WRN: variants seen among roughly 807,000 people sequenced by gnomAD.
The protein encoded by WRN is WRN RecQ like helicase.
WRN carries 149 observed loss-of-function variants against 180.7 expected under a neutral mutation model. The observed-to-expected ratio is 0.82, with a 90% CI of 0.72 to 0.94. WRN has a LOEUF of 0.94. Among genes scored for constraint, WRN ranks in the 40% least tolerant of loss-of-function variants. The pLI, the probability that WRN is intolerant of heterozygous loss-of-function variation, is 0.00. For missense variants in WRN, 1,661 were observed against 1,700.1 expected (o/e 0.98, Z 0.40); for synonymous variants, 548 against 568.9 (o/e 0.96, Z 0.52).
chr8:31,098,291 T>C (rs969520957), intron 17 of WRN, among the ~76,000 whole-genome samples: 1 of 152,216 alleles, frequency 6.6e-6, no homozygotes, highest in African/African-American at 2.4e-5. Context: ...CATGGTTGTA[T>C]TGCAAAAGCT....
rs775240079 is a variant in WRN, at chr8:31,087,783, A to T, written c.1439A>T (p.Glu480Val). Residue 480 changes from glutamate to valine, a missense_variant, in exon 12 of 35, where the codon GAA (glutamate) becomes GTA (valine). Glu to Val is a moderately radical substitution (Grantham distance 121, BLOSUM62 -2). This residue lies in a region of WRN where 1,141 missense variants were observed against 1,149.4 expected (regional missense o/e 0.99). Transcript: ENST00000298139. ...DLEMEMLKSL[E>V]NLNSGTVEPT... ...TTTCTTTTAAACTTTCAGTCTTTAGAAAACCTCAATAGTGGCACGGTAGAA... is the reference window on the plus strand; with the variant it reads ...TTTCTTTTAAACTTTCAGTCTTTAGTAAACCTCAATAGTGGCACGGTAGAA... 1.9e-5 allele frequency: 31 copies of T among 1,613,388 alleles called. No homozygotes were observed. Among genetic ancestry groups the T allele is most frequent in the Non-Finnish European group, 2.5e-5 (29 of 1,179,656 alleles).
At chr8:31,090,719 C>T (rs1013999226) in intron 14 of WRN, 115 bp from the exon 15 acceptor site, 5 of 1,041,092 alleles carry the variant, frequency 4.8e-6, no homozygotes, top group East Asian at 5.2e-5. Context: ...AGATAGCATA[C>T]TAGTATTGAC....
chr8:31,116,616 ACTTT>A lies in WRN; in HGVS notation c.2448+93_2448+96del, dbSNP rs1299471092. The A allele has an allele frequency of 3.2e-6, 5 of 1,555,572 alleles. No homozygotes were observed. In the Admixed American group the frequency reaches 8.5e-5, roughly 26 times the overall value. On this transcript the variant is annotated intron_variant, in intron 20 of 34. Coordinates refer to ENST00000298139, the MANE Select transcript of WRN (RefSeq NM_000553.6). ...TTTATTTACCAGATCTTTATTGAAT[ACTTT>A]CTTTGTGTTGAACATAAAGCAGTCC...
At chr8:31,053,199 A>G (rs2129975841) in intron 1 of WRN, among the ~76,000 whole-genome samples, 1 of 152,358 alleles carries the variant, frequency 6.6e-6, no homozygotes, top group South Asian at 2.1e-4. Context: ...AAATATTCAA[A>G]GAGATAAATG....
rs1206320441 is a variant in WRN at position 31,147,068 on chromosome 8, A to G, written c.3399A>G (p.Ser1133=). ...NISKKSIMVQ[S]PEKAYSSSQP... ...AATATTTTAGTATCATGGTACAGTC[A>G]CCAGAAAAAGCTTACAGTTCCTCAC... The change falls in exon 29 of 35, where the codon TCA becomes TCG. Residue 1133 remains serine, a synonymous_variant. Coordinates refer to ENST00000298139, the MANE Select transcript of WRN (RefSeq NM_000553.6). 4.3e-6 allele frequency: 7 copies of G among 1,613,482 alleles called. No individual in the cohort carries two copies. The highest frequency in any genetic ancestry group is 5.9e-6 in the Non-Finnish European group (7 of 1,179,676).
At chr8:31,060,197 A>C (rs1022948495) in intron 3 of WRN, among the ~76,000 whole-genome samples, 4 of 152,234 alleles carry the variant, frequency 2.6e-5, no homozygotes, top group Admixed American at 6.5e-5. Context: ...ACAAGTAATA[A>C]GGAATTCATT....
rs765667470 is a variant in WRN at position 31,081,073 on chromosome 8, C to A, written c.1046C>A (p.Pro349Gln). ...CACGTTGAAGATGAAACATGGGACC[C>A]AACACTTGATCATTTAGCTAAACAT... is the stretch of plus-strand genomic sequence containing the variant. ...LIHVEDETWD[P>Q]TLDHLAKHDG... The change falls in exon 9 of 35, where the codon CCA becomes CAA. Residue 349 changes from proline (P) to glutamine (Q), a missense_variant. By Grantham distance (76) the Pro-to-Gln change is moderately conservative. Around this residue, in one of 3 missense-constraint regions of WRN, gnomAD observed 500 missense variants for 504.1 expected, o/e 0.99. Coordinates refer to ENST00000298139, the MANE Select transcript of WRN (RefSeq NM_000553.6). 4 of 1,613,876 alleles carry A rather than the reference C, an allele frequency of 2.5e-6. No individual in the cohort carries two copies. The highest frequency in any genetic ancestry group is 3.4e-6 in the Non-Finnish European group (4 of 1,179,956).
intron 11 of WRN, among the ~76,000 whole-genome samples, chr8:31,086,099 T>C (rs1813519201): frequency 6.6e-6 from 1 of 152,152 alleles, no homozygotes; most frequent in Non-Finnish European, 1.5e-5. Flanking sequence ...CAAAGATGTA[T>C]AATAAGAAAA....
rs1060500077 is a variant in WRN at position 31,076,203 on chromosome 8, A to G, written c.755A>G (p.Lys252Arg). 1 of 1,613,788 alleles carries G rather than the reference A, an allele frequency of 6.2e-7. No individual in the cohort carries two copies. The highest frequency in any genetic ancestry group is 8.5e-7 in the Non-Finnish European group (1 of 1,179,924). ...GAAATCCTACTTAGCGACATGAACA[A>G]ACAGTTGACTTCAATCTCTGAGGAA... The part of the protein sequence containing the change: ...EEEILLSDMN[K>R]QLTSISEEVM... Residue 252 changes from lysine to arginine, a missense_variant, in exon 8 of 35, where the codon AAA (lysine) becomes AGA (arginine). Coordinates refer to ENST00000298139, the MANE Select transcript of WRN (RefSeq NM_000553.6).
intron 19 of WRN, among the ~76,000 whole-genome samples, chr8:31,114,172 C>T (rs114370982): frequency 0.014 from 2,147 of 152,226 alleles, 57 homozygotes; most frequent in African/African-American, 0.049. Flanking sequence ...GAGCATTGCC[C>T]GTTATTTCCA....
chr8:31,172,870 C>G, intron 34 of WRN, 125 bp from the exon 35 acceptor site: 1 of 741,860 alleles, frequency 1.3e-6, no homozygotes, highest in South Asian at 1.6e-5. Flanking sequence ...ATAGATACCA[C>G]TATTTTGTTT....
Position 31,167,035 on chromosome 8 carries a change from T to A in WRN, c.3996T>A (p.Ile1332=). The A allele has an allele frequency of 3.7e-6, 6 of 1,612,902 alleles. No individual in the cohort carries two copies. Among genetic ancestry groups the A allele is most frequent in the Non-Finnish European group, 5.1e-6 (6 of 1,179,244 alleles). ...NPPVNSDMSK[I]SLIRMLVPEN... ...TATCGTTTACAGATATGAGTAAAATTAGCCTAATCAGAATGTTAGTTCCTG... is the reference window on the plus strand; with the variant it reads ...TATCGTTTACAGATATGAGTAAAATAAGCCTAATCAGAATGTTAGTTCCTG... The change falls in exon 34 of 35, where the codon ATT becomes ATA. Residue 1332 remains isoleucine, a synonymous_variant. Transcript: ENST00000298139.
chr8:31,173,213 C>A lies in WRN; in HGVS notation c.*111C>A. On this transcript the variant is annotated 3_prime_UTR_variant, in exon 35 of 35. Transcript: ENST00000298139. ...TTTGGCTTAAAAATCATTCTAATTA[C>A]AAAGTTCACTGTTTATTGAAGAACT... The A allele has an allele frequency of 9.5e-7, 1 of 1,047,856 alleles. No homozygotes were observed. Among genetic ancestry groups the A allele is most frequent in the Non-Finnish European group, 1.4e-6 (1 of 693,036 alleles). The allele number at this position is 1,047,856 out of a possible 1,614,324, so 64.9% of individuals were successfully genotyped here.
chr8:31,113,781 G>A (rs1394228065), intron 19 of WRN, among the ~76,000 whole-genome samples: 4 of 152,074 alleles, frequency 2.6e-5, no homozygotes, highest in Non-Finnish European at 2.9e-5. Flanking sequence ...GCTAATTGAG[G>A]TCTTTGTTAC....
At chr8:31,035,555 T>C (rs1391236921) in intron 1 of WRN, among the ~76,000 whole-genome samples, 1 of 152,144 alleles carries the variant, frequency 6.6e-6, no homozygotes, top group East Asian at 1.9e-4. Flanking sequence ...TGTAGGACTT[T>C]ATGGGCTATA....
chr8:31,101,031 G>T, intron 18 of WRN, 76 bp downstream of exon 18: 1 of 1,228,906 alleles, frequency 8.1e-7, no homozygotes, highest in Non-Finnish European at 1.2e-6. Flanking sequence ...GAGTGGTAAA[G>T]AAGCTGAAGA....
chr8:31,096,452 G>A (rs1813981432), intron 16 of WRN, among the ~76,000 whole-genome samples: 1 of 152,122 alleles, frequency 6.6e-6, no homozygotes, highest in Admixed American at 6.5e-5. Flanking sequence ...ATAAAGGAAT[G>A]TCTCATAGAT....
chr8:31,144,957 C>T (rs1802801644), intron 28 of WRN, among the ~76,000 whole-genome samples: 1 of 152,208 alleles, frequency 6.6e-6, no homozygotes, highest in South Asian at 2.1e-4. Flanking sequence ...AAAGCCCTAA[C>T]TCTCTTCAAT....
chr8:31,111,290 G>A (rs1801305654), intron 18 of WRN, among the ~76,000 whole-genome samples: 1 of 152,112 alleles, frequency 6.6e-6, no homozygotes, highest in African/African-American at 2.4e-5. Context: ...CATTTCAAAT[G>A]TAATGTTAAA....
Sources: gnomAD v4.1 joint callset for allele counts (sites outside exome capture counted in the v4.1 genomes callset) on GRCh38, gnomAD v4.1.1 for gene constraint, gnomAD v4.1.1 regional missense constraint, MANE v1.5 for transcripts, NCBI Gene and HGNC (gene_info 2026-07-23, HGNC 2026-07-21) for gene names.